The following GPATCH1 variants were observed in gnomAD, a reference collection of about 807,000 sequenced individuals.
GPATCH1 encodes G patch domain-containing protein 1.
In GPATCH1, 73 loss-of-function variants were observed where a neutral mutation model predicts 114.9. The observed-to-expected ratio is 0.64, with a 90% confidence interval of 0.53 to 0.77. The LOEUF (loss-of-function observed/expected upper bound fraction) is 0.77, where lower values mean the gene tolerates loss of function less well. GPATCH1 is among the 30% of genes least tolerant of loss of function. GPATCH1 has a pLI of 0.00. For synonymous variants in GPATCH1, 391 were observed against 428.4 expected (o/e 0.91, Z 1.08); for missense variants, 1,058 against 1,144.3 (o/e 0.92, Z 1.09).
rs7259333 is a variant in GPATCH1, at chr19:33,088,222, T to C, written c.162T>C (p.Ser54=). 0.31 allele frequency: 495,934 copies of C among 1,602,860 alleles called. 92,083 individuals are homozygous for C. The highest frequency in any genetic ancestry group is 0.74 in the African/African-American group (54,944 of 74,250). ...ATAAACGATTCCACGGGGCCTTTAG[T>C]GGAGGTTTCTCTGCTGGATACTTCA... The part of the protein sequence containing the change: ...GRYKRFHGAF[S]GGFSAGYFNT... The change falls in exon 2 of 20, where the codon AGT becomes AGC. Residue 54 remains serine, a synonymous_variant. Coordinates refer to ENST00000170564, the MANE Select transcript of GPATCH1 (RefSeq NM_018025.3).
At chr19:33,106,642 T>C in intron 9 of GPATCH1, 53 bp from the exon 10 acceptor site, 10 of 1,446,882 alleles carry the variant, frequency 6.9e-6, no homozygotes, top group Non-Finnish European at 9.7e-6. Flanking sequence ...CCTGATTAAA[T>C]CAAACATGAT....
intron 15 of GPATCH1, 105 bp downstream of exon 15, chr19:33,114,524 T>C (rs549548683): frequency 2.3e-6 from 2 of 881,362 alleles, no homozygotes; most frequent in Admixed American, 2.7e-5. Flanking sequence ...CAGCCAACTA[T>C]TGATCCATTT....
rs1200934977 is a variant in GPATCH1 at position 33,130,357 on chromosome 19, C to CG, written c.*202dup. ...TTCTATTTTTAATTTCAGTTAGTAT[C>CG]GGGGGAAAAAAATCCAGACTGAACA... is the stretch of plus-strand genomic sequence containing the variant. On this transcript the variant is annotated 3_prime_UTR_variant, in exon 20 of 20. Transcript: ENST00000170564. 4 of 435,294 alleles carry CG rather than the reference C, an allele frequency of 9.2e-6. No homozygotes were observed. The highest frequency in any genetic ancestry group is 1.6e-5 in the Non-Finnish European group (4 of 247,100). 27.0% of individuals were successfully genotyped at this position (435,294 alleles called of 1,614,324 possible).
At chr19:33,125,346 C>T in intron 18 of GPATCH1, 144 bp downstream of exon 18, 2 of 887,124 alleles carry the variant, frequency 2.3e-6, no homozygotes, top group Non-Finnish European at 3.3e-6. Flanking sequence ...TGTTGACATT[C>T]AATTCAAATG....
chr19:33,097,496 G>A (rs2145312648), intron 7 of GPATCH1, among the ~76,000 whole-genome samples: 1 of 152,218 alleles, frequency 6.6e-6, no homozygotes, highest in Non-Finnish European at 1.5e-5. Context: ...TCCTCTTCCT[G>A]TGCTGGGACC....
At chr19:33,113,739 C>G (rs1487546058) in intron 13 of GPATCH1, 28 bp from the exon 14 acceptor site, 1 of 1,608,568 alleles carries the variant, frequency 6.2e-7, no homozygotes, top group African/African-American at 1.3e-5. Context: ...CTGGTTGTTA[C>G]TAAAATGATT....
chr19:33,130,098 T>A (rs183428521), intron 19 of GPATCH1, 32 bp from the exon 20 acceptor site: 1 of 1,597,652 alleles, frequency 6.3e-7, no homozygotes, highest in Non-Finnish European at 8.6e-7. Flanking sequence ...TAGCTAACTT[T>A]CCATTTCTCT....
At chr19:33,103,755 C>G (rs1186529452) in intron 9 of GPATCH1, among the ~76,000 whole-genome samples, 1 of 152,080 alleles carries the variant, frequency 6.6e-6, no homozygotes, top group Non-Finnish European at 1.5e-5. Context: ...TGGAGAAGCA[C>G]TCACTGGTCC....
rs1488183684 is a variant in GPATCH1, at chr19:33,090,891, A to G, written c.294+26A>G. The G allele has an allele frequency of 3.4e-6, 5 of 1,454,298 alleles. No individual in the cohort carries two copies. In the South Asian group the frequency reaches 4.6e-5, roughly 13 times the overall value. 90.1% of individuals were successfully genotyped at this position (1,454,298 alleles called of 1,614,324 possible). A position where few individuals can be genotyped will look rare whatever the true frequency, so the allele number is the denominator to read the frequency against. ...GTGCGTGTGCAAAACTTTAATTGCC[A>G]ATTAGCTGGTGGGACAGGTCTAGTT... On this transcript the variant is annotated intron_variant, in intron 3 of 19. Transcript: ENST00000170564.
At chr19:33,100,780 C>CTT (rs746559066) in intron 8 of GPATCH1, among the ~76,000 whole-genome samples, 1 of 135,466 alleles carries the variant, frequency 7.4e-6, no homozygotes. Context: ...GTAGAAGGGG[C>CTT]TTTTTTTTTT....
In GPATCH1 at chr19:33,127,665, C is replaced by CCACACA. The variant is rs141613734; in HGVS notation, c.2765+941_2765+946dup. On this transcript the variant is annotated intron_variant, in intron 19 of 19. Transcript: ENST00000170564. ...AACCTTTAAGACCTTTTTTGTGCAA[C>CCACACA]CACACACACACACATACACACTCAC... 9.7e-3 allele frequency among the ~76,000 whole-genome samples: 1,470 copies of CCACACA among 151,520 alleles called. 29 individuals are homozygous for CCACACA. The highest frequency in any genetic ancestry group is 0.034 in the African/African-American group (1,414 of 41,404).
Position 33,118,575 on chromosome 19 carries a change from C to T in GPATCH1, c.2414-435C>T, listed in dbSNP as rs79712327. The stretch of plus-strand genomic sequence containing the variant: ...TATTAACGTGAATATGATCATTTAT[C>T]TTCAAGGTTTTTTCTTTGATAATTT... On this transcript the variant is annotated intron_variant, in intron 16 of 19. Coordinates refer to ENST00000170564, the MANE Select transcript of GPATCH1 (RefSeq NM_018025.3). Among the ~76,000 whole-genome samples the T allele has an allele frequency of 5.5e-3, 832 of 152,238 alleles. 8 individuals are homozygous for T. Among genetic ancestry groups the T allele is most frequent in the African/African-American group, 0.019 (782 of 41,528 alleles).
At chr19:33,105,458 A>C (rs1047144549) in intron 9 of GPATCH1, among the ~76,000 whole-genome samples, 1 of 151,730 alleles carries the variant, frequency 6.6e-6, no homozygotes, top group African/African-American at 2.4e-5. Flanking sequence ...CCGAAGCTTC[A>C]ATTTGCAACT....
At position 33,088,153 on chromosome 19, in the gene GPATCH1, A is replaced by G. The variant is rs762234781; in HGVS notation, c.93A>G (p.Pro31=). The G allele has an allele frequency of 6.4e-6, 10 of 1,557,946 alleles. No individual in the cohort carries two copies. The African/African-American group carries it at 1.4e-4, about 22-fold the overall frequency. The change falls in exon 2 of 20, where the codon CCA becomes CCG. Residue 31 remains proline, a synonymous_variant. Coordinates refer to ENST00000170564, the MANE Select transcript of GPATCH1 (RefSeq NM_018025.3). The part of the protein sequence containing the change: ...PLEEGERPKK[P]IPLQDQTVRD... ...TTTTAGGTGAAAGACCAAAGAAACC[A>G]ATCCCTCTTCAGGATCAGACTGTCA...
chr19:33,096,145 T>A, intron 6 of GPATCH1, 62 bp from the exon 7 acceptor site: 1 of 1,548,776 alleles, frequency 6.5e-7, no homozygotes, highest in South Asian at 1.2e-5. Context: ...TCAATTAGTA[T>A]TTTGTGGGTT....
intron 11 of GPATCH1, 46 bp downstream of exon 11, chr19:33,110,062 C>A: frequency 1.4e-6 from 2 of 1,469,090 alleles, no homozygotes; most frequent in South Asian, 2.5e-5. Flanking sequence ...CGGGCGGGGT[C>A]ATATTCTCAC....
chr19:33,129,183 G>T (rs1599870064), intron 19 of GPATCH1, among the ~76,000 whole-genome samples: 2 of 151,836 alleles, frequency 1.3e-5, no homozygotes, highest in East Asian at 3.9e-4. Context: ...GGAGGTGGAG[G>T]TTGCAGTGAA....
At chr19:33,097,973 C>T (rs561827187) in intron 8 of GPATCH1, 71 bp downstream of exon 8, 27 of 1,378,338 alleles carry the variant, frequency 2.0e-5, no homozygotes, top group Admixed American at 1.8e-4. Flanking sequence ...GCTGCAAGAG[C>T]GATACAGGAG....
intron 13 of GPATCH1, chr19:33,113,292 A>C (rs1972877942): frequency 6.4e-6 from 1 of 156,734 alleles, no homozygotes; most frequent in Admixed American, 6.4e-5. Flanking sequence ...AATACAAAAA[A>C]TTAGCTGGGC....
Sources: gnomAD v4.1 joint callset for allele counts (sites outside exome capture counted in the v4.1 genomes callset) on GRCh38, gnomAD v4.1.1 for gene constraint, MANE v1.5 for transcripts, NCBI Gene and HGNC (gene_info 2026-07-23, HGNC 2026-07-21) for gene names.